CDH20: variants seen among roughly 807,000 people sequenced by gnomAD.
CDH20 encodes cadherin 20.
CDH20 carries 29 observed loss-of-function variants against 74.2 expected under a neutral mutation model. The ratio of observed to expected loss-of-function variants is 0.39; its 90% CI spans 0.29 to 0.53. CDH20 has a LOEUF of 0.53. Ranked by LOEUF, CDH20 falls within the 20% of genes least tolerant of loss-of-function variation. The pLI is 0.69. For missense variants in CDH20, 988 were observed against 1,048.3 expected (o/e 0.94, Z 0.79); for synonymous variants, 469 against 405.4 (o/e 1.16, Z -1.88).
chr18:61,472,183 C>T (rs942073938), intron 1 of CDH20, among the ~76,000 whole-genome samples: 1 of 152,054 alleles, frequency 6.6e-6, no homozygotes, highest in African/African-American at 2.4e-5. Context: ...CACCCCCATA[C>T]ATCATTTGCT....
intron 1 of CDH20, among the ~76,000 whole-genome samples, chr18:61,477,902 A>G (rs922877492): frequency 6.6e-6 from 1 of 152,140 alleles, no homozygotes; most frequent in African/African-American, 2.4e-5. Context: ...TAATTGTGAA[A>G]GTAAAATGTT....
intron 7 of CDH20, among the ~76,000 whole-genome samples, chr18:61,530,963 C>T (rs927595860): frequency 1.3e-5 from 2 of 152,180 alleles, no homozygotes; most frequent in African/African-American, 2.4e-5. Context: ...CAGCTTTGTA[C>T]CTGCATGATG....
intron 1 of CDH20, among the ~76,000 whole-genome samples, chr18:61,396,671 C>T (rs1038603576): frequency 4.6e-5 from 7 of 152,198 alleles, no homozygotes; most frequent in Non-Finnish European, 7.3e-5. Context: ...AAGATATCTC[C>T]ACATGAAGCA....
intron 1 of CDH20, among the ~76,000 whole-genome samples, chr18:61,448,843 T>C (rs902407923): frequency 6.6e-6 from 1 of 152,202 alleles, no homozygotes; most frequent in African/African-American, 2.4e-5. Context: ...AGATGACCTC[T>C]GAAGTTCCTT....
chr18:61,538,602 G>GT lies in CDH20; in HGVS notation c.1409-417dup, dbSNP rs1227502362. 3.2e-4 allele frequency among the ~76,000 whole-genome samples: 16 copies of GT among 50,444 alleles called. 1 individual carries two copies. The highest frequency in any genetic ancestry group is 1.6e-3 in the South Asian group (2 of 1,230). 33.1% of individuals were successfully genotyped at this position (50,444 alleles called of 152,430 possible). A position where few individuals can be genotyped will look rare whatever the true frequency, so the allele number is the denominator to read the frequency against. ...ACTTTTTGTTTGTTTGTTTGTTTTTGTTTTTGTTTTTGTTTTTGTTTTGTT... is the reference window on the plus strand; with the variant it reads ...ACTTTTTGTTTGTTTGTTTGTTTTTGTTTTTTGTTTTTGTTTTTGTTTTGTT... On this transcript the variant is annotated intron_variant, in intron 8 of 11. Coordinates refer to ENST00000262717, the MANE Select transcript of CDH20 (RefSeq NM_031891.4).
At chr18:61,389,577 T>G (rs141621083) in intron 1 of CDH20, among the ~76,000 whole-genome samples, 1 of 152,338 alleles carries the variant, frequency 6.6e-6, no homozygotes, top group African/African-American at 2.4e-5. Flanking sequence ...AGCACTGCTT[T>G]CAGCCCCATA....
At position 61,499,516 on chromosome 18, in the gene CDH20, C is replaced by T. The variant is rs551903879; in HGVS notation, c.541+36C>T. 4.4e-5 allele frequency: 64 copies of T among 1,470,564 alleles called. 1 individual carries two copies. In the South Asian group the frequency reaches 7.7e-4, roughly 18 times the overall value. 91.1% of individuals were successfully genotyped at this position (1,470,564 alleles called of 1,614,324 possible). ...GACTCGCTGATTTTCACAAATAGCACCTCCTATATATATACACACACACAC... is the reference window on the plus strand; with the variant it reads ...GACTCGCTGATTTTCACAAATAGCATCTCCTATATATATACACACACACAC... On this transcript the variant is annotated intron_variant, in intron 3 of 11. Transcript: ENST00000262717.
chr18:61,536,739 A>T, intron 8 of CDH20, 110 bp downstream of exon 8: 1 of 944,030 alleles, frequency 1.1e-6, no homozygotes, highest in Non-Finnish European at 1.6e-6. Context: ...TAAGGGAAGA[A>T]ATGGAAATCA....
At chr18:61,424,837 A>T (rs1476414423) in intron 1 of CDH20, among the ~76,000 whole-genome samples, 2 of 152,186 alleles carry the variant, frequency 1.3e-5, no homozygotes, top group Non-Finnish European at 2.9e-5. Flanking sequence ...AATATGAAAT[A>T]AGAACCTAGC....
chr18:61,386,160 C>T (rs746246023), intron 1 of CDH20, among the ~76,000 whole-genome samples: 4 of 152,154 alleles, frequency 2.6e-5, no homozygotes, highest in Non-Finnish European at 5.9e-5. Context: ...TCAATAAATA[C>T]AGACTCTTAG....
intron 1 of CDH20, among the ~76,000 whole-genome samples, chr18:61,459,443 T>C (rs1477913388): frequency 6.6e-6 from 1 of 152,136 alleles, no homozygotes; most frequent in Non-Finnish European, 1.5e-5. Flanking sequence ...TGGAATGACA[T>C]CCATGTGTGG....
chr18:61,490,490 TGGA>T lies in CDH20; in HGVS notation c.-63_-61del. ...CAAAAACTGTGTATTTTTTTAAATT[TGGA>T]AAATACTCAAGTTCCAGTTGCTTAT... On this transcript the variant is annotated 5_prime_UTR_variant, in exon 2 of 12. Transcript: ENST00000262717. 6.5e-7 allele frequency: 1 copy of T among 1,528,634 alleles called. No individual in the cohort carries two copies. The highest frequency in any genetic ancestry group is 9.0e-7 in the Non-Finnish European group (1 of 1,113,750). 94.7% of individuals were successfully genotyped at this position (1,528,634 alleles called of 1,614,324 possible).
intron 1 of CDH20, among the ~76,000 whole-genome samples, chr18:61,470,890 CCTCCCTCTCT>C (rs1004494133): frequency 4.6e-5 from 7 of 151,556 alleles, no homozygotes; most frequent in African/African-American, 1.7e-4. Context: ...TCTCTCCCTC[CCTCCCTCTCT>C]CTCCCTCCAC....
intron 1 of CDH20, among the ~76,000 whole-genome samples, chr18:61,477,497 T>C (rs1000464865): frequency 5.9e-5 from 9 of 152,354 alleles, no homozygotes; most frequent in Admixed American, 5.2e-4. Flanking sequence ...GCAACAATGT[T>C]AGAAATTGAT....
chr18:61,547,854 G>A (rs769824721), intron 10 of CDH20, among the ~76,000 whole-genome samples: 11 of 151,952 alleles, frequency 7.2e-5, no homozygotes, highest in Non-Finnish European at 1.5e-4. Flanking sequence ...GCCCCTTCCA[G>A]CACTGGACTC....
At position 61,353,078 on chromosome 18, in the gene CDH20, T is replaced by C. The variant is rs1257151953; in HGVS notation, c.-153+19251T>C. 1.3e-5 allele frequency among the ~76,000 whole-genome samples: 2 copies of C among 152,206 alleles called. No individual in the cohort carries two copies. The highest frequency in any genetic ancestry group is 4.1e-4 in the South Asian group (2 of 4,828). ...CATGCTGTCCATAGCTTCTATTTTATGGCTACCCTGGTCACCTCCCCTGCA... is the reference window on the plus strand; with the variant it reads ...CATGCTGTCCATAGCTTCTATTTTACGGCTACCCTGGTCACCTCCCCTGCA... On this transcript the variant is annotated intron_variant, in intron 1 of 11. Coordinates refer to ENST00000262717, the MANE Select transcript of CDH20 (RefSeq NM_031891.4). The surrounding 1 kb of genome is among the most constrained non-coding windows in gnomAD (Gnocchi z 4.6).
chr18:61,450,205 G>A (rs1374469269), intron 1 of CDH20, among the ~76,000 whole-genome samples: 1 of 151,716 alleles, frequency 6.6e-6, no homozygotes, highest in Non-Finnish European at 1.5e-5. Context: ...ATCTCCCATA[G>A]GGAAACTAAA....
At chr18:61,404,944 AT>A in intron 1 of CDH20, 2 of 709,742 alleles carry the variant, frequency 2.8e-6, no homozygotes. Flanking sequence ...ACTCTGTAGT[AT>A]TTTCCTCATG....
intron 1 of CDH20, among the ~76,000 whole-genome samples, chr18:61,470,112 G>A (rs1242578657): frequency 1.3e-5 from 2 of 152,056 alleles, no homozygotes; most frequent in Non-Finnish European, 2.9e-5. Flanking sequence ...CTCTGCCGGC[G>A]GTCTGTGTGT....
Sources: gnomAD v4.1 joint callset for allele counts (sites outside exome capture counted in the v4.1 genomes callset) on GRCh38, gnomAD v4.1.1 for gene constraint, Gnocchi (gnomAD v3.1) non-coding constraint, MANE v1.5 for transcripts, NCBI Gene and HGNC (gene_info 2026-07-23, HGNC 2026-07-21) for gene names.